Variants in TEX26 observed in about 807,000 individuals in gnomAD.
TEX26 encodes testis-expressed protein 26.
Under a neutral mutation model 35.3 loss-of-function variants are expected in TEX26, and 34 were observed. The observed-to-expected ratio is 0.96, with a 90% CI of 0.73 to 1.28. The LOEUF (loss-of-function observed/expected upper bound fraction) is 1.28, where lower values mean the gene tolerates loss of function less well. Ranked by LOEUF, TEX26 falls within the 50% of genes most tolerant of loss-of-function variation. TEX26 has a pLI of 0.00. For synonymous variants in TEX26, 136 were observed against 111.8 expected, an observed-to-expected ratio of 1.22 and a Z score of -1.36; for missense variants, 371 against 330.1, an observed-to-expected ratio of 1.12 and a Z score of -0.96.
intron 2 of TEX26, among the ~76,000 whole-genome samples, chr13:30,943,236 G>C (rs1267572984): frequency 6.6e-6 from 1 of 151,810 alleles, no homozygotes; most frequent in Non-Finnish European, 1.5e-5. Flanking sequence ...TATATTCCTG[G>C]GTATTTTATT....
chr13:30,947,234 G>A (rs960800540), intron 2 of TEX26, among the ~76,000 whole-genome samples: 1 of 152,030 alleles, frequency 6.6e-6, no homozygotes, highest in Non-Finnish European at 1.5e-5. Flanking sequence ...AGATAAATGT[G>A]GCTGTTTAGT....
chr13:30,956,136 G>A (rs1954117641), intron 3 of TEX26, among the ~76,000 whole-genome samples: 1 of 151,118 alleles, frequency 6.6e-6, no homozygotes, highest in African/African-American at 2.4e-5. Context: ...TTTAGCATTA[G>A]GTATATATCC....
At chr13:30,955,845 C>T (rs2138269631) in intron 3 of TEX26, among the ~76,000 whole-genome samples, 1 of 152,110 alleles carries the variant, frequency 6.6e-6, no homozygotes, top group South Asian at 2.1e-4. Context: ...CCCGTCACAG[C>T]ATGTGTGAGT....
intron 1 of TEX26, among the ~76,000 whole-genome samples, chr13:30,935,050 C>T (rs182218136): frequency 1.3e-5 from 2 of 152,266 alleles, no homozygotes; most frequent in South Asian, 2.1e-4. Context: ...AGCCTGCACC[C>T]TTGGACTCCC....
chr13:30,948,493 ATGGT>A (rs1200637176), intron 2 of TEX26, among the ~76,000 whole-genome samples: 1 of 151,972 alleles, frequency 6.6e-6, no homozygotes, highest in Admixed American at 6.5e-5. Context: ...ATGGCCAGTG[ATGGT>A]GAGCATTTTT....
intron 5 of TEX26, 32 bp downstream of exon 5, chr13:30,966,430 C>CTTT (rs762444718): frequency 9.0e-7 from 1 of 1,111,034 alleles, no homozygotes; most frequent in African/African-American, 2.3e-5. Flanking sequence ...TTTTCTTTTT[C>CTTT]TCTTTTTTTT....
intron 4 of TEX26, among the ~76,000 whole-genome samples, chr13:30,959,908 G>A (rs1213697848): frequency 6.6e-6 from 1 of 152,174 alleles, no homozygotes; most frequent in Non-Finnish European, 1.5e-5. Context: ...AGTGTTTCCA[G>A]GGGGTTGACA....
At chr13:30,945,988 G>A (rs1021277912) in intron 2 of TEX26, among the ~76,000 whole-genome samples, 1 of 151,700 alleles carries the variant, frequency 6.6e-6, no homozygotes, top group African/African-American at 2.4e-5. Flanking sequence ...TCTTGTATTT[G>A]GATATCTAAA....
Position 30,956,991 on chromosome 13 carries a change from T to C in TEX26, c.431T>C (p.Ile144Thr), listed in dbSNP as rs746686595. The C allele has an allele frequency of 1.2e-5, 20 of 1,614,110 alleles. No individual in the cohort carries two copies. The Admixed American group carries it at 2.3e-4, about 19-fold the overall frequency. Residue 144 changes from isoleucine to threonine, a missense_variant, in exon 4 of 7, where the codon ATT becomes ACT. Physicochemically the swap from Ile to Thr is moderately conservative, Grantham distance 89 (BLOSUM62 -1). Transcript: ENST00000380473. ...AACAAGGCACTATCAAATCAGTTTATTTCCCTTACTAAGAGAGACTTTGTG... is the reference window on the plus strand; with the variant it reads ...AACAAGGCACTATCAAATCAGTTTACTTCCCTTACTAAGAGAGACTTTGTG... The part of the protein sequence containing the change: ...EVNKALSNQF[I>T]SLTKRDFVDR...
At position 30,932,788 on chromosome 13, in the gene TEX26, G is replaced by A. The variant is rs986346564; in HGVS notation, c.61+12G>A. 1 of 1,613,526 alleles carries A rather than the reference G, an allele frequency of 6.2e-7. No homozygotes were observed. ...CAACCTCCAGCCAAGTAAGACAGCAGACTCTGCCGGTCTGCGGGGCGGGGC... is the reference window on the plus strand; with the variant it reads ...CAACCTCCAGCCAAGTAAGACAGCAAACTCTGCCGGTCTGCGGGGCGGGGC... On this transcript the variant is annotated intron_variant, in intron 1 of 6. Transcript: ENST00000380473.
intron 3 of TEX26, among the ~76,000 whole-genome samples, chr13:30,956,044 T>C (rs111489924): frequency 0.031 from 4,651 of 152,234 alleles, 227 homozygotes; most frequent in African/African-American, 0.11. Context: ...CTTTAAGTTT[T>C]AGGGTACATG....
chr13:30,971,191 G>C (rs1954699783), intron 6 of TEX26, among the ~76,000 whole-genome samples: 1 of 152,158 alleles, frequency 6.6e-6, no homozygotes, highest in African/African-American at 2.4e-5. Flanking sequence ...CTGAATTCTT[G>C]TGCCCAAAAC....
At chr13:30,948,809 C>T (rs1240021158) in intron 2 of TEX26, among the ~76,000 whole-genome samples, 1 of 152,116 alleles carries the variant, frequency 6.6e-6, no homozygotes, top group Non-Finnish European at 1.5e-5. Flanking sequence ...ACATGAAGTC[C>T]TTGGCCATGT....
chr13:30,974,376 T>C (rs1593623434), intron 6 of TEX26, among the ~76,000 whole-genome samples: 1 of 152,088 alleles, frequency 6.6e-6, no homozygotes, highest in African/African-American at 2.4e-5. Flanking sequence ...TCACTGTTTA[T>C]TACTATGCAC....
chr13:30,959,223 A>T (rs1566159323), intron 4 of TEX26, among the ~76,000 whole-genome samples: 1 of 152,224 alleles, frequency 6.6e-6, no homozygotes, highest in Non-Finnish European at 1.5e-5. Flanking sequence ...ATGATTACTT[A>T]CAGGCATATA....
intron 5 of TEX26, among the ~76,000 whole-genome samples, chr13:30,967,611 G>A (rs1395414883): frequency 6.6e-6 from 1 of 152,162 alleles, no homozygotes; most frequent in African/African-American, 2.4e-5. Flanking sequence ...AGGGTGCAGT[G>A]TCAAATCCTC....
chr13:30,944,052 C>T (rs1377308573), intron 2 of TEX26, among the ~76,000 whole-genome samples: 1 of 151,968 alleles, frequency 6.6e-6, no homozygotes, highest in Non-Finnish European at 1.5e-5. Context: ...CTTTGAACAT[C>T]TGATAGAATT....
rs1027771174 is a variant in TEX26 at position 30,933,159 on chromosome 13, C to G, written c.61+383C>G. ...GAACAGGTCCTGCCTGAGTCCCGAT[C>G]CCCATATAGGATCTTGGAAACAGCA... On this transcript the variant is annotated intron_variant, in intron 1 of 6. Coordinates refer to ENST00000380473, the MANE Select transcript of TEX26 (RefSeq NM_152325.3). 19 of 167,564 alleles carry G rather than the reference C, an allele frequency of 1.1e-4. No individual in the cohort carries two copies. In the East Asian group the frequency reaches 3.1e-3, roughly 27 times the overall value. The allele number at this position is 167,564 out of a possible 1,614,324, so 10.4% of individuals were successfully genotyped here. A position where few individuals can be genotyped will look rare whatever the true frequency, so the allele number is the denominator to read the frequency against.
In TEX26 at chr13:30,932,691, C is replaced by T. The variant is rs542089026; in HGVS notation, c.-25C>T. 1.1e-5 allele frequency: 18 copies of T among 1,609,178 alleles called. 1 individual carries two copies. The East Asian group carries it at 2.5e-4, about 22-fold the overall frequency. On this transcript the variant is annotated 5_prime_UTR_variant, in exon 1 of 7. Coordinates refer to ENST00000380473, the MANE Select transcript of TEX26 (RefSeq NM_152325.3). ...AGCGCTGAGATAGCTGGAGCCAGGG[C>T]CCCGCGGCCGCCTCCTGGGGCAGAA...
Sources: gnomAD v4.1 joint callset for allele counts (sites outside exome capture counted in the v4.1 genomes callset) on GRCh38, gnomAD v4.1.1 for gene constraint, MANE v1.5 for transcripts, NCBI Gene and HGNC (gene_info 2026-07-23, HGNC 2026-07-21) for gene names.